The following TENM4 variants were observed in gnomAD, a reference collection of about 807,000 sequenced individuals.
The protein encoded by TENM4 is teneurin transmembrane protein 4, also known as teneurin-4.
A neutral mutation model predicts 243.3 loss-of-function variants in TENM4; 82 were observed. The ratio of observed to expected loss-of-function variants is 0.34; its 90% CI spans 0.28 to 0.40. The LOEUF (loss-of-function observed/expected upper bound fraction) is 0.40. Among genes scored for constraint, TENM4 ranks in the 10% least tolerant of loss-of-function variants. TENM4 has a pLI of 1.00. For synonymous variants in TENM4, 1,412 were observed against 1,456.3 expected, an observed-to-expected ratio of 0.97 and a Z score of 0.69; for missense variants, 3,138 against 3,673.3, an observed-to-expected ratio of 0.85 and a Z score of 3.77.
chr11:79,258,848 C>T (rs1000781397), intron 2 of TENM4, among the ~76,000 whole-genome samples: 2 of 152,184 alleles, frequency 1.3e-5, no homozygotes, highest in African/African-American at 4.8e-5. Flanking sequence ...ATGCAAGCCG[C>T]CCACCTCTCT....
intron 4 of TENM4, among the ~76,000 whole-genome samples, chr11:79,115,808 T>C (rs1861607413): frequency 6.6e-6 from 1 of 152,186 alleles, no homozygotes; most frequent in African/African-American, 2.4e-5. Flanking sequence ...AATTCTGCTC[T>C]TCCTATCATA....
At chr11:79,426,068 TC>T (rs1859043419) in intron 1 of TENM4, among the ~76,000 whole-genome samples, 1 of 152,176 alleles carries the variant, frequency 6.6e-6, no homozygotes, top group Non-Finnish European at 1.5e-5. Flanking sequence ...CCACACTATT[TC>T]CCACCTTCAG....
At chr11:79,183,630 T>C (rs1374008185) in intron 3 of TENM4, among the ~76,000 whole-genome samples, 10 of 152,054 alleles carry the variant, frequency 6.6e-5, no homozygotes, top group Admixed American at 5.2e-4. Flanking sequence ...TGTGGCAAGG[T>C]TGTGTGTGTG....
intron 6 of TENM4, among the ~76,000 whole-genome samples, chr11:79,037,121 G>A (rs1859409047): frequency 6.6e-6 from 1 of 152,150 alleles, no homozygotes; most frequent in African/African-American, 2.4e-5. Context: ...GGTAGGAAAG[G>A]GGCGATTGTA....
intron 6 of TENM4, among the ~76,000 whole-genome samples, chr11:78,969,529 A>T (rs888448621): frequency 6.6e-6 from 1 of 152,198 alleles, no homozygotes; most frequent in Non-Finnish European, 1.5e-5. Context: ...CAAGTTTATT[A>T]CTCTGTCAAA....
chr11:79,161,910 C>CACA (rs1167744777), intron 3 of TENM4, among the ~76,000 whole-genome samples: 1 of 152,156 alleles, frequency 6.6e-6, no homozygotes, highest in Non-Finnish European at 1.5e-5. Context: ...TAATCCACAG[C>CACA]ACAACATGGA....
chr11:79,142,535 A>T (rs1029430241), intron 4 of TENM4, among the ~76,000 whole-genome samples: 2 of 152,164 alleles, frequency 1.3e-5, no homozygotes, highest in African/African-American at 4.8e-5. Flanking sequence ...AAGAATCAAT[A>T]TTGTTAAAAT....
chr11:79,297,949 T>C (rs114839104), intron 1 of TENM4, among the ~76,000 whole-genome samples: 1,581 of 151,982 alleles, frequency 0.01, 24 homozygotes, highest in African/African-American at 0.036. Context: ...TTTTTCCTTC[T>C]ATACATAGAG....
chr11:78,995,251 A>T (rs1371768714), intron 6 of TENM4, among the ~76,000 whole-genome samples: 1 of 152,184 alleles, frequency 6.6e-6, no homozygotes, highest in African/African-American at 2.4e-5. Flanking sequence ...GTGTGATAGG[A>T]TGAGATAAGA....
chr11:78,989,749 T>A (rs978974471), intron 6 of TENM4, among the ~76,000 whole-genome samples: 1 of 152,082 alleles, frequency 6.6e-6, no homozygotes, highest in Non-Finnish European at 1.5e-5. Context: ...TGGCCTAGCG[T>A]GGAGTATAAA....
At chr11:79,181,155 C>T (rs910795492) in intron 3 of TENM4, among the ~76,000 whole-genome samples, 1 of 152,020 alleles carries the variant, frequency 6.6e-6, no homozygotes, top group African/African-American at 2.4e-5. Flanking sequence ...AAACTACAGG[C>T]CACTATCTCT....
rs761703290 is a variant in TENM4 at position 78,863,007 on chromosome 11, T to A, written c.1210A>T (p.Thr404Ser). 3 of 1,507,380 alleles carry A rather than the reference T, an allele frequency of 2.0e-6. No individual in the cohort carries two copies. In the South Asian group the frequency reaches 3.7e-5, roughly 19 times the overall value. 93.4% of individuals were successfully genotyped at this position (1,507,380 alleles called of 1,614,324 possible). ...TDVSLYPSGG[T>S]GLETPDRKGK... is the part of the protein sequence containing the mutation. ...TTCCTGTCAGGGGTCTCTAAGCCAG[T>A]GCCCCCTGAGGGGTATAGGGAGACG... The change falls in exon 10 of 34, where the codon ACT becomes TCT. Residue 404 changes from threonine (T) to serine (S), a missense_variant. Coordinates refer to ENST00000278550, the MANE Select transcript of TENM4 (RefSeq NM_001098816.3).
rs1255269248 is a variant in TENM4, at chr11:79,140,129, C to T, written c.-66+8581G>A. On this transcript the variant is annotated intron_variant, in intron 4 of 33. Coordinates refer to ENST00000278550, the MANE Select transcript of TENM4 (RefSeq NM_001098816.3). ...TCTCCCATCTCTCCCTATATGCCTC[C>T]TCAACTTCAACTCCCCAGAATCATA... 2.6e-5 allele frequency among the ~76,000 whole-genome samples: 4 copies of T among 151,920 alleles called. No individual in the cohort carries two copies. The East Asian group carries it at 7.8e-4, about 29-fold the overall frequency.
In TENM4 at chr11:79,053,729, T is replaced by C. The variant is rs147159576; in HGVS notation, c.493+11009A>G. Among the ~76,000 whole-genome samples, 53 of 152,342 alleles carry C rather than the reference T, an allele frequency of 3.5e-4. No individual in the cohort carries two copies. The East Asian group carries it at 0.01, about 29-fold the overall frequency. The stretch of plus-strand genomic sequence containing the variant: ...AAGGTCTGGTCATCCCTAAGGGCTC[T>C]TCCTGAAAGAGATATTTTGTGGGGT... On this transcript the variant is annotated intron_variant, in intron 6 of 33. Coordinates refer to ENST00000278550, the MANE Select transcript of TENM4 (RefSeq NM_001098816.3).
At chr11:78,996,886 C>T (rs1858187677) in intron 6 of TENM4, among the ~76,000 whole-genome samples, 1 of 152,172 alleles carries the variant, frequency 6.6e-6, no homozygotes, top group East Asian at 1.9e-4. Flanking sequence ...ATGGTTCCAC[C>T]TTCCCAGTGG....
chr11:79,122,147 C>A (rs957496912), intron 4 of TENM4, among the ~76,000 whole-genome samples: 1 of 152,088 alleles, frequency 6.6e-6, no homozygotes, highest in African/African-American at 2.4e-5. Context: ...CTACAGTGGG[C>A]CTTGAGGTTC....
intron 1 of TENM4, among the ~76,000 whole-genome samples, chr11:79,380,791 A>C (rs509196): frequency 0.52 from 78,850 of 152,036 alleles, 20,396 homozygotes; most frequent in South Asian, 0.53. Context: ...AGGCAATAGA[A>C]CCATTACTCA....
chr11:79,289,181 GA>G (rs1487322604), intron 2 of TENM4, among the ~76,000 whole-genome samples: 1 of 152,194 alleles, frequency 6.6e-6, no homozygotes, highest in African/African-American at 2.4e-5. Flanking sequence ...CCAGATGATT[GA>G]TAATGTTTAT....
At chr11:78,946,323 A>G (rs776616736) in intron 6 of TENM4, among the ~76,000 whole-genome samples, 13 of 152,234 alleles carry the variant, frequency 8.5e-5, no homozygotes, top group Admixed American at 2.6e-4. Context: ...GTAATGACAA[A>G]GACTGGATGA....
Sources: allele counts gnomAD v4.1 joint callset (sites outside exome capture counted in the v4.1 genomes callset), GRCh38; gene constraint gnomAD v4.1.1; transcripts MANE v1.5; gene names NCBI Gene and HGNC (gene_info 2026-07-23, HGNC 2026-07-21).